SERPINB8: variants seen among roughly 807,000 people sequenced by gnomAD.
SERPINB8 encodes the protein serpin B8.
Under a neutral mutation model 35.3 loss-of-function variants are expected in SERPINB8, and 25 were observed. The ratio of observed to expected loss-of-function variants is 0.71; its 90% CI spans 0.52 to 0.99. SERPINB8 has a LOEUF of 0.99. Ranked by LOEUF, SERPINB8 falls within the 50% of genes least tolerant of loss-of-function variation. The pLI is 0.00. For synonymous variants in SERPINB8, 186 were observed against 160.8 expected (o/e 1.16, Z -1.19); for missense variants, 484 against 446.5 (o/e 1.08, Z -0.76).
Position 63,986,890 on chromosome 18 carries a change from C to T in SERPINB8, c.737C>T (p.Thr246Ile), listed in dbSNP as rs200792583. The T allele has an allele frequency of 3.1e-6, 5 of 1,610,236 alleles. No homozygotes were observed. Among genetic ancestry groups the T allele is most frequent in the East Asian group, 4.5e-5 (2 of 44,866 alleles). The change falls in exon 7 of 7, where the codon ACA becomes ATA. Residue 246 changes from threonine to isoleucine, a missense_variant. Transcript: ENST00000397985. ...TDLAVVEKALTYEKFKAWTNS... is the reference protein window; with the variant it reads ...TDLAVVEKALIYEKFKAWTNS... ...TTATCCTAGGTGGAAAAAGCACTTA[C>T]ATATGAGAAATTCAAAGCCTGGACA...
chr18:63,979,050 G>A lies in SERPINB8; in HGVS notation c.168+574G>A, dbSNP rs142542467. ...CTTTAGGAACAGTTCTCTGACTATT[G>A]GTGAAGATGTCCCAGATAATTGCCA... On this transcript the variant is annotated intron_variant, in intron 2 of 6. Transcript: ENST00000397985. Among the ~76,000 whole-genome samples, 469 of 152,272 alleles carry A rather than the reference G, an allele frequency of 3.1e-3. 2 individuals are homozygous for A. The highest frequency in any genetic ancestry group is 0.01 in the African/African-American group (432 of 41,534).
At chr18:63,996,539 TAAATTCC>T (rs2050850350) in intron 1 of SERPINB8, among the ~76,000 whole-genome samples, 1 of 152,138 alleles carries the variant, frequency 6.6e-6, no homozygotes, top group Non-Finnish European at 1.5e-5. Context: ...CAAAGTGACC[TAAATTCC>T]CCACATAGCT....
At chr18:63,983,934 C>T (rs1163519620) in intron 5 of SERPINB8, among the ~76,000 whole-genome samples, 1 of 152,166 alleles carries the variant, frequency 6.6e-6, no homozygotes, top group Non-Finnish European at 1.5e-5. Context: ...GCAGCCTCGA[C>T]CTCCCAGGCT....
chr18:64,008,935 A>T (rs1392173262), downstream of SERPINB8, among the ~76,000 whole-genome samples: 1 of 152,148 alleles, frequency 6.6e-6, no homozygotes, highest in Non-Finnish European at 1.5e-5. Context: ...CCTAGCTCAT[A>T]GAGTTGTCGA....
downstream of SERPINB8, among the ~76,000 whole-genome samples, chr18:63,991,574 C>T (rs2050825198): frequency 6.6e-6 from 1 of 152,070 alleles, no homozygotes; most frequent in East Asian, 1.9e-4. Flanking sequence ...TTATATCTTG[C>T]AAACTTGCTA....
chr18:63,978,271 G>A, intron 1 of SERPINB8, 28 bp from the exon 2 acceptor site: 1 of 1,613,696 alleles, frequency 6.2e-7, no homozygotes, highest in Non-Finnish European at 8.5e-7. Flanking sequence ...TGGCTTATGT[G>A]CTTTTCCCTG....
intron 1 of SERPINB8, among the ~76,000 whole-genome samples, chr18:63,999,607 A>G (rs891882432): frequency 2.0e-5 from 3 of 152,140 alleles, no homozygotes; most frequent in Non-Finnish European, 4.4e-5. Context: ...TAGGGGGTTG[A>G]ACCTTATGGT....
chr18:63,971,342 C>G (rs145828215), intron 1 of SERPINB8, among the ~76,000 whole-genome samples: 66 of 152,354 alleles, frequency 4.3e-4, no homozygotes, highest in African/African-American at 1.4e-3. Flanking sequence ...GTCTCTGGCT[C>G]TAGACAGTCT....
At chr18:63,971,367 C>T (rs1044693154) in intron 1 of SERPINB8, among the ~76,000 whole-genome samples, 2 of 152,232 alleles carry the variant, frequency 1.3e-5, no homozygotes, top group African/African-American at 4.8e-5. Flanking sequence ...ATCCCCGTCC[C>T]TAACTGTTTA....
intron 7 of SERPINB8, among the ~76,000 whole-genome samples, chr18:64,011,081 G>C (rs1435335645): frequency 6.6e-6 from 1 of 151,904 alleles, no homozygotes; most frequent in Non-Finnish European, 1.5e-5. Context: ...AATCAGCTAA[G>C]GGAGATGAAT....
rs564416326 is a variant in SERPINB8 at position 63,987,798 on chromosome 18, T to A, written c.*520T>A. The A allele has an allele frequency of 6.5e-6, 1 of 153,452 alleles. No homozygotes were observed. Among genetic ancestry groups the A allele is most frequent in the East Asian group, 1.9e-4 (1 of 5,192 alleles). 9.5% of individuals were successfully genotyped at this position (153,452 alleles called of 1,614,324 possible). A position where few individuals can be genotyped will look rare whatever the true frequency, so the allele number is the denominator to read the frequency against. On this transcript the variant is annotated 3_prime_UTR_variant, in exon 7 of 7. Coordinates refer to ENST00000397985, the MANE Select transcript of SERPINB8 (RefSeq NM_002640.4). ...CTGCATGCCCCCTGTCTCACACAGT[T>A]TGTAATGAAGACAGCTCCTTCTCAT...
At chr18:63,977,239 A>G (rs1236239705) in intron 1 of SERPINB8, among the ~76,000 whole-genome samples, 1 of 152,140 alleles carries the variant, frequency 6.6e-6, no homozygotes, top group Non-Finnish European at 1.5e-5. Flanking sequence ...CAGTCTTCTC[A>G]TCTCTAAAGT....
At chr18:63,974,461 G>C (rs778580737) in intron 1 of SERPINB8, among the ~76,000 whole-genome samples, 5 of 152,152 alleles carry the variant, frequency 3.3e-5, no homozygotes, top group South Asian at 2.1e-4. Context: ...GAAACGTAAG[G>C]CTTGCTTTTG....
rs772149981 is a variant in SERPINB8 at position 63,983,722 on chromosome 18, G to A, written c.567+1G>A. 6.2e-7 allele frequency: 1 copy of A among 1,610,824 alleles called. No individual in the cohort carries two copies. Among genetic ancestry groups the A allele is most frequent in the African/African-American group, 1.3e-5 (1 of 74,840 alleles). ...GGGAATGCTCTTTAAAACCAACGAG[G>A]TAGGGAAAGATTTTTCAGATATACT... On this transcript the variant is annotated splice_donor_variant, in intron 5 of 6. Coordinates refer to ENST00000397985, the MANE Select transcript of SERPINB8 (RefSeq NM_002640.4). LOFTEE classifies it high-confidence loss of function.
At chr18:63,986,481 G>A (rs1212724289) in intron 6 of SERPINB8, 1 of 1,373,080 alleles carries the variant, frequency 7.3e-7, no homozygotes, top group African/African-American at 1.5e-5. Context: ...GCAGAGTTCT[G>A]AGCCATGCTC....
chr18:63,971,609 C>G (rs1321449660), intron 1 of SERPINB8, among the ~76,000 whole-genome samples: 1 of 152,266 alleles, frequency 6.6e-6, no homozygotes, highest in Non-Finnish European at 1.5e-5. Context: ...GCCCCCACTT[C>G]TCTATTGCAG....
intron 6 of SERPINB8, among the ~76,000 whole-genome samples, chr18:63,985,515 G>T (rs755220148): frequency 2.0e-5 from 3 of 152,160 alleles, no homozygotes; most frequent in Non-Finnish European, 4.4e-5. Flanking sequence ...TGCATGGAAG[G>T]TCTATTTGAA....
chr18:63,976,101 CTTGT>C (rs994281358), intron 1 of SERPINB8, among the ~76,000 whole-genome samples: 23 of 152,052 alleles, frequency 1.5e-4, no homozygotes, highest in African/African-American at 5.6e-4. Flanking sequence ...GCATATTTTT[CTTGT>C]TTGACTACAT....
intron 2 of SERPINB8, among the ~76,000 whole-genome samples, chr18:63,979,278 A>G (rs2050631648): frequency 6.6e-6 from 1 of 152,208 alleles, no homozygotes; most frequent in Non-Finnish European, 1.5e-5. Context: ...TATGGTCTGG[A>G]GAACTTCTGT....
Sources: allele counts gnomAD v4.1 joint callset (sites outside exome capture counted in the v4.1 genomes callset), GRCh38; gene constraint gnomAD v4.1.1; transcripts MANE v1.5; gene names NCBI Gene and HGNC (gene_info 2026-07-23, HGNC 2026-07-21).